The following BTRC variants were observed in gnomAD, a reference collection of about 807,000 sequenced individuals.
BTRC encodes the protein F-box/WD repeat-containing protein 1A.
Under a neutral mutation model 85.5 loss-of-function variants are expected in BTRC, and 42 were observed. The observed-to-expected ratio is 0.49, with a 90% confidence interval of 0.38 to 0.64. The LOEUF is 0.64. Among genes scored for constraint, BTRC ranks in the 30% least tolerant of loss-of-function variants. BTRC has a pLI of 0.00. For synonymous variants in BTRC, 255 were observed against 263.3 expected, an observed-to-expected ratio of 0.97 and a Z score of 0.30; for missense variants, 594 against 743.5, an observed-to-expected ratio of 0.80 and a Z score of 2.34.
At chr10:101,478,918 G>A (rs1433383830) in intron 3 of BTRC, among the ~76,000 whole-genome samples, 1 of 149,250 alleles carries the variant, frequency 6.7e-6, no homozygotes, top group African/African-American at 2.5e-5. Flanking sequence ...CAGCCTGGGT[G>A]ACAGAGCAAG....
intron 13 of BTRC, among the ~76,000 whole-genome samples, chr10:101,542,518 C>T (rs548717946): frequency 2.5e-4 from 38 of 152,258 alleles, no homozygotes; most frequent in Admixed American, 7.9e-4. Context: ...ATTTTTATGT[C>T]TCCCACTATA....
At chr10:101,374,436 G>A (rs12770015) in intron 1 of BTRC, among the ~76,000 whole-genome samples, 42,957 of 150,172 alleles carry the variant, frequency 0.29, 7,332 homozygotes, top group Middle Eastern at 0.46. Flanking sequence ...TATACACCAT[G>A]GAATACTATG....
chr10:101,478,300 CAAA>C (rs542191555), intron 3 of BTRC, among the ~76,000 whole-genome samples: 2 of 126,484 alleles, frequency 1.6e-5, no homozygotes, highest in African/African-American at 5.9e-5. Flanking sequence ...GACTCCATCT[CAAA>C]AAAAAAAAAA....
At chr10:101,404,028 A>ATTTT (rs1176999196) in intron 1 of BTRC, among the ~76,000 whole-genome samples, 722 of 31,088 alleles carry the variant, frequency 0.023, 27 homozygotes, top group East Asian at 0.067. Context: ...ATATATATAT[A>ATTTT]TATTTTTTTT....
intron 1 of BTRC, among the ~76,000 whole-genome samples, chr10:101,375,342 C>G (rs111921065): frequency 1.3e-5 from 2 of 151,992 alleles, no homozygotes; most frequent in Non-Finnish European, 2.9e-5. Context: ...TGCCTTCTCC[C>G]GTGATTTTAA....
chr10:101,415,892 C>G (rs1301387409), intron 1 of BTRC, among the ~76,000 whole-genome samples: 1 of 152,134 alleles, frequency 6.6e-6, no homozygotes, highest in African/African-American at 2.4e-5. Flanking sequence ...TTTAGATACA[C>G]AAATACTTTC....
At chr10:101,532,914 C>G (rs2062321471) in intron 8 of BTRC, 38 bp from the exon 9 acceptor site, 2 of 1,492,802 alleles carry the variant, frequency 1.3e-6, no homozygotes, top group Non-Finnish European at 1.9e-6. Flanking sequence ...AGCACCCCAT[C>G]ATCACATTGA....
At chr10:101,406,114 T>C (rs1943612895) in intron 1 of BTRC, among the ~76,000 whole-genome samples, 1 of 152,180 alleles carries the variant, frequency 6.6e-6, no homozygotes, top group African/African-American at 2.4e-5. Flanking sequence ...CATATACTTT[T>C]AGGATTATTC....
intron 4 of BTRC, 83 bp from the exon 5 acceptor site, chr10:101,521,556 A>C: frequency 3.1e-5 from 29 of 942,760 alleles, no homozygotes; most frequent in Non-Finnish European, 4.2e-5. Flanking sequence ...GACATAATAT[A>C]GCATGCCATA....
intron 13 of BTRC, among the ~76,000 whole-genome samples, chr10:101,544,053 G>T (rs909528784): frequency 2.6e-5 from 4 of 152,076 alleles, no homozygotes; most frequent in Admixed American, 6.6e-5. Context: ...GGGACTACAG[G>T]CGCCCGCCAC....
Position 101,482,330 on chromosome 10 carries a change from C to A in BTRC, c.324+2873C>A, listed in dbSNP as rs150420896. On this transcript the variant is annotated intron_variant, in intron 4 of 14. Transcript: ENST00000370187. ...GCCACTGTGCCTGGCCAAGTTTTTT[C>A]TTTTTTATTTACATGTGTTTTGTGT... Among the ~76,000 whole-genome samples the A allele has an allele frequency of 1.5e-3, 223 of 146,284 alleles. 7 individuals are homozygous for A. The East Asian group carries it at 0.044, about 29-fold the overall frequency.
At chr10:101,396,817 T>A (rs904034647) in intron 1 of BTRC, among the ~76,000 whole-genome samples, 14 of 151,882 alleles carry the variant, frequency 9.2e-5, no homozygotes, top group African/African-American at 3.1e-4. Context: ...TTTTTTTTTT[T>A]TTTGAGACAG....
chr10:101,456,793 A>G (rs185826223), intron 2 of BTRC, among the ~76,000 whole-genome samples: 1 of 152,316 alleles, frequency 6.6e-6, no homozygotes, highest in African/African-American at 2.4e-5. Flanking sequence ...TGCCCTTTCA[A>G]TTCTAAGCTA....
At chr10:101,541,578 C>T (rs1258755534) in intron 13 of BTRC, among the ~76,000 whole-genome samples, 2 of 152,048 alleles carry the variant, frequency 1.3e-5, no homozygotes, top group African/African-American at 2.4e-5. Context: ...TTCATAGTGA[C>T]CCATTATCAG....
rs956338320 is a variant in BTRC at position 101,365,558 on chromosome 10, C to A, written c.48+11330C>A. The stretch of plus-strand genomic sequence containing the variant: ...TGGTGCAGTCTCAGCTCACTGCAAC[C>A]TCTGCCTTCCGGGTTCAAGCAATTC... On this transcript the variant is annotated intron_variant, in intron 1 of 14. Coordinates refer to ENST00000370187, the MANE Select transcript of BTRC (RefSeq NM_033637.4). 2.0e-5 allele frequency among the ~76,000 whole-genome samples: 3 copies of A among 151,858 alleles called. 1 individual carries two copies. Among genetic ancestry groups the A allele is most frequent in the African/African-American group, 7.3e-5 (3 of 41,318 alleles).
In BTRC at chr10:101,555,421, G is replaced by A. The variant is rs4919552; in HGVS notation, c.*2298G>A. ...AGTACATCACAAAGGAGATCGGGGC[G>A]ACCCCTGCAGATGTGGAGCCATTAG... is the stretch of plus-strand genomic sequence containing the variant. On this transcript the variant is annotated 3_prime_UTR_variant, in exon 15 of 15. Coordinates refer to ENST00000370187, the MANE Select transcript of BTRC (RefSeq NM_033637.4). 0.32 allele frequency: 48,309 copies of A among 152,544 alleles called. 9,881 individuals are homozygous for A. Among genetic ancestry groups the A allele is most frequent in the East Asian group, 0.66 (3,413 of 5,176 alleles). 9.4% of individuals were successfully genotyped at this position (152,544 alleles called of 1,614,324 possible).
intron 1 of BTRC, among the ~76,000 whole-genome samples, chr10:101,365,625 A>G (rs879830897): frequency 1.3e-4 from 20 of 151,512 alleles, no homozygotes; most frequent in Non-Finnish European, 2.9e-4. Flanking sequence ...ACAGGTGTGC[A>G]TCACCACACT....
In BTRC at chr10:101,556,209, C is replaced by CTT. The variant is rs1327928543; in HGVS notation, c.*3091_*3092dup. 1.3e-5 allele frequency: 2 copies of CTT among 152,064 alleles called. No individual in the cohort carries two copies. Among genetic ancestry groups the CTT allele is most frequent in the Non-Finnish European group, 2.9e-5 (2 of 68,010 alleles). The allele number at this position is 152,064 out of a possible 1,614,324, so 9.4% of individuals were successfully genotyped here. Reference sequence around the variant, plus strand: ...TTTTTTTGCTTGAGTAAGAACAATCCTTTTTTATTTTTCTTCTGTACAGTC... The same window carrying CTT: ...TTTTTTTGCTTGAGTAAGAACAATCCTTTTTTTTATTTTTCTTCTGTACAGTC... On this transcript the variant is annotated 3_prime_UTR_variant, in exon 15 of 15. Coordinates refer to ENST00000370187, the MANE Select transcript of BTRC (RefSeq NM_033637.4).
chr10:101,547,337 T>C (rs1215658995), intron 13 of BTRC, among the ~76,000 whole-genome samples: 1 of 138,454 alleles, frequency 7.2e-6, no homozygotes, highest in African/African-American at 2.7e-5. Context: ...TCTTTTTTTT[T>C]TTTTTTTTTT....
Sources: allele counts gnomAD v4.1 joint callset (sites outside exome capture counted in the v4.1 genomes callset), GRCh38; gene constraint gnomAD v4.1.1; transcripts MANE v1.5; gene names NCBI Gene and HGNC (gene_info 2026-07-23, HGNC 2026-07-21).